The following POLR3A variants were observed in gnomAD, a reference collection of about 807,000 sequenced individuals.
POLR3A encodes the protein RNA polymerase III subunit A, also known as DNA-directed RNA polymerase III subunit RPC1.
In POLR3A, 112 loss-of-function variants were observed where a neutral mutation model predicts 152.8. The ratio of observed to expected loss-of-function variants is 0.73; its 90% confidence interval spans 0.63 to 0.86. The LOEUF (loss-of-function observed/expected upper bound fraction) is 0.86. Ranked by LOEUF, POLR3A falls within the 40% of genes least tolerant of loss-of-function variation. POLR3A has a pLI of 0.00. For missense variants in POLR3A, 1,385 were observed against 1,743.1 expected, an observed-to-expected ratio of 0.79 and a Z score of 3.66; for synonymous variants, 615 against 652.1, an observed-to-expected ratio of 0.94 and a Z score of 0.87.
intron 14 of POLR3A, among the ~76,000 whole-genome samples, chr10:78,009,142 G>C (rs1230153976): frequency 2.1e-5 from 2 of 93,044 alleles, no homozygotes; most frequent in Admixed American, 1.8e-4. Flanking sequence ...GACAGAGCAA[G>C]ACTTAGTCTC....
chr10:77,993,368 C>T lies in POLR3A; in HGVS notation c.2617-1G>A, dbSNP rs181087667. On this transcript the variant is annotated splice_acceptor_variant, in intron 19 of 30. Transcript: ENST00000372371. LOFTEE classifies it high-confidence loss of function. The stretch of plus-strand genomic sequence containing the variant: ...CTTCAAGAGATTTGACAAGCCTTCG[C>T]TAAAGGAAAAGGAGGAAAAAGCTCA... 2.9e-5 allele frequency: 46 copies of T among 1,613,172 alleles called. No homozygotes were observed. Among genetic ancestry groups the T allele is most frequent in the Non-Finnish European group, 3.7e-5 (44 of 1,179,274 alleles).
intron 9 of POLR3A, among the ~76,000 whole-genome samples, chr10:78,018,478 AAC>A (rs1847547052): frequency 6.6e-6 from 1 of 151,674 alleles, no homozygotes; most frequent in African/African-American, 2.4e-5. Context: ...CAGCCTGGGT[AAC>A]ACAGCAAGAC....
rs3758464 is a variant in POLR3A at position 78,026,067 on chromosome 10, T to G, written c.180+27A>C. The G allele has an allele frequency of 0.027, 43,922 of 1,613,256 alleles. 8,999 individuals carry two copies. In the African/African-American group the frequency reaches 0.48, roughly 18 times the overall value. ...GTTTTATCAGCAGGGCAAGACACAG[T>G]TACCAGGAGGGGTGAGGGGGCCTTA... On this transcript the variant is annotated intron_variant, in intron 2 of 30. Coordinates refer to ENST00000372371, the MANE Select transcript of POLR3A (RefSeq NM_007055.4).
chr10:78,025,960 T>C (rs1847630147), intron 2 of POLR3A, 134 bp downstream of exon 2: 2 of 1,257,026 alleles, frequency 1.6e-6, no homozygotes, highest in African/African-American at 1.5e-5. Context: ...AGGCCGGAGT[T>C]CTTGACCTAG....
rs761466928 is a variant in POLR3A at position 78,010,557 on chromosome 10, C to T, written c.1573-17G>A. The T allele has an allele frequency of 1.1e-5, 18 of 1,603,184 alleles. No homozygotes were observed. The highest frequency in any genetic ancestry group is 1.3e-5 in the Non-Finnish European group (15 of 1,170,010). ...TGCTTTAGTCTGTAGGAAAAGTAAG[C>T]GCAGTCAGTTAGCTGTTCTCGGATG... On this transcript the variant is annotated splice_polypyrimidine_tract_variant and intron_variant, in intron 11 of 30. Transcript: ENST00000372371.
At chr10:78,012,139 C>T (rs553007434) in intron 11 of POLR3A, among the ~76,000 whole-genome samples, 4 of 152,218 alleles carry the variant, frequency 2.6e-5, no homozygotes, top group Admixed American at 6.5e-5. Flanking sequence ...CCGAATCGGG[C>T]GGATCACCTG....
chr10:78,017,641 G>C lies in POLR3A; in HGVS notation c.1365C>G (p.Ile455Met), dbSNP rs776355314. The C allele has an allele frequency of 2.5e-6, 4 of 1,614,002 alleles. No individual in the cohort carries two copies. In the Admixed American group the frequency reaches 6.7e-5, roughly 27 times the overall value. Residue 455 changes from isoleucine (I) to methionine (M), a missense_variant, in exon 10 of 31, where the codon ATC becomes ATG. Around this residue, in one of 7 missense-constraint regions of POLR3A, gnomAD observed 493 missense variants for 647.5 expected, o/e 0.76. Coordinates refer to ENST00000372371, the MANE Select transcript of POLR3A (RefSeq NM_007055.4). ...GATTGAACAGCACCACATCTCCATC[G>C]ATGAGGTGTCTCTCTACGATGTCAC... is the stretch of plus-strand genomic sequence containing the variant. ...KYGDIVERHL[I>M]DGDVVLFNRQ...
rs781144567 is a variant in POLR3A, at chr10:78,025,072, T to C, written c.389A>G (p.Lys130Arg). ...CTGAAGGTAGGTCAGGCCGGGCCTCTTTAGATAGTCCAGAAACTGCTTCTT... is the reference window on the plus strand; with the variant it reads ...CTGAAGGTAGGTCAGGCCGGGCCTCCTTAGATAGTCCAGAAACTGCTTCTT... The part of the protein sequence containing the change: ...EEKKQFLDYL[K>R]RPGLTYLQKR... Residue 130 changes from lysine to arginine, a missense_variant, in exon 4 of 31, where the codon AAG becomes AGG. Lys to Arg is a conservative substitution (Grantham distance 26, BLOSUM62 2). Transcript: ENST00000372371. 4 of 1,614,092 alleles carry C rather than the reference T, an allele frequency of 2.5e-6. No homozygotes were observed. The highest frequency in any genetic ancestry group is 3.4e-6 in the Non-Finnish European group (4 of 1,180,036).
intron 20 of POLR3A, 45 bp from the exon 21 acceptor site, chr10:77,991,212 G>GAGC (rs1564615504): frequency 9.2e-7 from 1 of 1,085,182 alleles, no homozygotes; most frequent in Non-Finnish European, 1.4e-6. Flanking sequence ...GTGCCACAGA[G>GAGC]AGCAGGCGGT....
At chr10:77,993,494 A>G in intron 19 of POLR3A, 127 bp from the exon 20 acceptor site, 1 of 735,662 alleles carries the variant, frequency 1.4e-6, no homozygotes, top group Non-Finnish European at 2.4e-6. Context: ...ACTTTATTAG[A>G]AACCCTTTAA....
chr10:77,983,954 A>T lies in POLR3A; in HGVS notation c.3395T>A (p.Leu1132His). ...LPDDCFILVK[L>H]SLERIRLLRL... ...CAGAAGCCTAATCCGTTCCAGGGAGAGCTTGACGAGAATAAAGCAGTCATC... is the reference window on the plus strand; with the variant it reads ...CAGAAGCCTAATCCGTTCCAGGGAGTGCTTGACGAGAATAAAGCAGTCATC... Residue 1132 changes from leucine (L) to histidine (H), a missense_variant, in exon 26 of 31, where the codon CTC (leucine) becomes CAC (histidine). Physicochemically the swap from Leu to His is moderately conservative, Grantham distance 99. This residue lies in a region of POLR3A where 332 missense variants were observed against 400.1 expected (regional missense o/e 0.83). Transcript: ENST00000372371. 1 of 1,612,188 alleles carries T rather than the reference A, an allele frequency of 6.2e-7. No individual in the cohort carries two copies. Among genetic ancestry groups the T allele is most frequent in the Non-Finnish European group, 8.5e-7 (1 of 1,178,292 alleles).
At chr10:78,014,915 C>T (rs759560358) in intron 10 of POLR3A, among the ~76,000 whole-genome samples, 3 of 151,982 alleles carry the variant, frequency 2.0e-5, no homozygotes, top group Non-Finnish European at 2.9e-5. Context: ...GTTAAAGGAA[C>T]GATAGATTCA....
intron 29 of POLR3A, 75 bp downstream of exon 29, chr10:77,981,353 A>G: frequency 7.0e-7 from 1 of 1,419,516 alleles, no homozygotes; most frequent in Admixed American, 1.7e-5. Context: ...CATGTCTTAG[A>G]AACTCCACAG....
In POLR3A at chr10:78,009,953, G is replaced by C. The variant is rs1472614573; in HGVS notation, c.1681C>G (p.Arg561Gly). Residue 561 changes from arginine (R) to glycine (G), a missense_variant, in exon 13 of 31, where the codon CGA becomes GGA. Arg to Gly is a moderately radical substitution (Grantham distance 125). Coordinates refer to ENST00000372371, the MANE Select transcript of POLR3A (RefSeq NM_007055.4). ...LLTLKDTFFDRAKACQIIASI... is the reference protein window; with the variant it reads ...LLTLKDTFFDGAKACQIIASI... ...GCAATGATTTGGCAAGCCTTGGCTC[G>C]ATCAAAGAAAGTGTCCTTGAGAGTG... 6.2e-7 allele frequency: 1 copy of C among 1,614,084 alleles called. No individual in the cohort carries two copies.
intron 8 of POLR3A, 70 bp from the exon 9 acceptor site, chr10:78,019,335 G>C: frequency 3.8e-6 from 4 of 1,039,194 alleles, no homozygotes; most frequent in South Asian, 1.3e-5. Flanking sequence ...ACTGAAATGC[G>C]TCTTAATCTT....
Position 78,004,866 on chromosome 10 carries a change from C to A in POLR3A, c.2097G>T (p.Gly699=), listed in dbSNP as rs772239382. The A allele has an allele frequency of 5.6e-6, 9 of 1,614,124 alleles. No homozygotes were observed. The highest frequency in any genetic ancestry group is 2.2e-5 in the South Asian group (2 of 91,078). Residue 699 remains glycine, a synonymous_variant, in exon 16 of 31, where the codon GGG becomes GGT. Coordinates refer to ENST00000372371, the MANE Select transcript of POLR3A (RefSeq NM_007055.4). The part of the protein sequence containing the change: ...VYLSNRGFSI[G]IGDVTPGQGL... ...CTTGGCCAGGTGTGACATCACCGAT[C>A]CCAATTGAGAAACCACGGTTAGCTG...
rs1435216250 is a variant in POLR3A at position 77,991,060 on chromosome 10, G to A, written c.2895C>T (p.Phe965=). The change falls in exon 21 of 31, where the codon TTC becomes TTT. Residue 965 remains phenylalanine, a synonymous_variant. Transcript: ENST00000372371. ...AGCACCTGGCAGAGCTCACCTGCAG[G>A]AAGCTGTCCTGGCAGCAGAGGAACT... ...KSEFLCCQDS[F]LQEIKKFIKG... 5.0e-6 allele frequency: 8 copies of A among 1,592,406 alleles called. No individual in the cohort carries two copies. Among genetic ancestry groups the A allele is most frequent in the South Asian group, 1.1e-5 (1 of 90,602 alleles).
chr10:78,007,550 A>G (rs1179659282), intron 15 of POLR3A, 152 bp downstream of exon 15: 1 of 689,460 alleles, frequency 1.5e-6, no homozygotes, highest in African/African-American at 1.8e-5. Context: ...TTAATTAATA[A>G]CAGCACACAT....
At position 78,016,226 on chromosome 10, in the gene POLR3A, A is replaced by G. The variant is rs1013217368; in HGVS notation, c.1431+1349T>C. ...GTTGGAGGATTACTGCAAAGAAAAA[A>G]TCTTTTAAGCATTTTAGTTGCTTAG... is the stretch of plus-strand genomic sequence containing the variant. On this transcript the variant is annotated intron_variant, in intron 10 of 30. Transcript: ENST00000372371. Among the ~76,000 whole-genome samples, 6 of 152,312 alleles carry G rather than the reference A, an allele frequency of 3.9e-5. No individual in the cohort carries two copies. The East Asian group carries it at 1.2e-3, about 29-fold the overall frequency.
Sources: gnomAD v4.1 joint callset for allele counts (sites outside exome capture counted in the v4.1 genomes callset) on GRCh38, gnomAD v4.1.1 for gene constraint, gnomAD v4.1.1 regional missense constraint, MANE v1.5 for transcripts, NCBI Gene and HGNC (gene_info 2026-07-23, HGNC 2026-07-21) for gene names.